GALNTL6: variants seen among roughly 807,000 people sequenced by gnomAD.
GALNTL6 encodes polypeptide N-acetylgalactosaminyltransferase like 6, also known as polypeptide N-acetylgalactosaminyltransferase-like 6.
In GALNTL6, 46 loss-of-function variants were observed where a neutral mutation model predicts 73.7. The ratio of observed to expected loss-of-function variants is 0.62; its 90% confidence interval spans 0.49 to 0.80. GALNTL6 has a LOEUF of 0.80. GALNTL6 is among the 30% of genes least tolerant of loss of function. The pLI is 0.00. For missense variants in GALNTL6, 604 were observed against 755.0 expected (o/e 0.80, Z 2.34); for synonymous variants, 259 against 263.7 (o/e 0.98, Z 0.17).
At chr4:172,736,219 T>A (rs6852353) in intron 5 of GALNTL6, among the ~76,000 whole-genome samples, 146,439 of 152,248 alleles carry the variant, frequency 0.96, 70,685 homozygotes, top group East Asian at 1. Context: ...GCGCTGCAGG[T>A]GACCAGCGTG....
At chr4:171,914,780 TAA>T (rs11447734) in intron 2 of GALNTL6, among the ~76,000 whole-genome samples, 5 of 144,822 alleles carry the variant, frequency 3.5e-5, no homozygotes, top group African/African-American at 1.0e-4. Context: ...GTAAAAATGA[TAA>T]AAAAAAAAAA....
chr4:172,547,338 A>G (rs1735810346), intron 5 of GALNTL6, among the ~76,000 whole-genome samples: 2 of 152,112 alleles, frequency 1.3e-5, no homozygotes, highest in South Asian at 2.1e-4. Context: ...GCTTGAGTCA[A>G]TATAAAGTTG....
chr4:172,015,171 T>C (rs1055655363), intron 2 of GALNTL6, among the ~76,000 whole-genome samples: 2 of 152,112 alleles, frequency 1.3e-5, no homozygotes, highest in African/African-American at 4.8e-5. Context: ...TCCACTATTA[T>C]TGTGGTGCCC....
chr4:172,799,708 G>A (rs1412072902), intron 5 of GALNTL6, among the ~76,000 whole-genome samples: 1 of 152,116 alleles, frequency 6.6e-6, no homozygotes, highest in South Asian at 2.1e-4. Flanking sequence ...TAGTATAGTG[G>A]TTCCTCAAAA....
intron 5 of GALNTL6, among the ~76,000 whole-genome samples, chr4:172,727,247 A>T (rs569903183): frequency 2.6e-5 from 4 of 152,232 alleles, no homozygotes; most frequent in Non-Finnish European, 5.9e-5. Flanking sequence ...CGCTGTAGTC[A>T]TCCAGAAGTC....
chr4:172,587,229 A>G (rs575017567), intron 5 of GALNTL6, among the ~76,000 whole-genome samples: 6 of 152,352 alleles, frequency 3.9e-5, no homozygotes, highest in African/African-American at 1.4e-4. Context: ...CCTTGTGCTG[A>G]TATGTACAGA....
intron 2 of GALNTL6, among the ~76,000 whole-genome samples, chr4:172,134,094 G>C (rs1273862303): frequency 6.6e-6 from 1 of 152,006 alleles, no homozygotes; most frequent in Non-Finnish European, 1.5e-5. Flanking sequence ...GATTAAGATA[G>C]TAACAGTGGC....
At chr4:172,429,656 T>C (rs78196502) in intron 5 of GALNTL6, among the ~76,000 whole-genome samples, 2,923 of 152,258 alleles carry the variant, frequency 0.019, 91 homozygotes, top group African/African-American at 0.066. Flanking sequence ...TCAGGTATAC[T>C]TGACACAGAA....
chr4:172,409,482 G>A (rs949714554), intron 5 of GALNTL6, among the ~76,000 whole-genome samples: 1 of 151,978 alleles, frequency 6.6e-6, no homozygotes, highest in South Asian at 2.1e-4. Flanking sequence ...ACTGCTTTGT[G>A]TAGTATTGCC....
intron 2 of GALNTL6, among the ~76,000 whole-genome samples, chr4:171,839,636 G>C (rs1735189978): frequency 6.7e-6 from 1 of 150,316 alleles, no homozygotes; most frequent in African/African-American, 2.5e-5. Context: ...CAGATTGCTA[G>C]ACACAGAAGG....
At chr4:172,474,222 C>T (rs1365395769) in intron 5 of GALNTL6, among the ~76,000 whole-genome samples, 1 of 152,148 alleles carries the variant, frequency 6.6e-6, no homozygotes, top group Non-Finnish European at 1.5e-5. Context: ...CAACTCCACT[C>T]AGACCTCACC....
intron 2 of GALNTL6, among the ~76,000 whole-genome samples, chr4:172,036,777 C>G (rs561673618): frequency 6.6e-6 from 1 of 152,184 alleles, no homozygotes; most frequent in South Asian, 2.1e-4. Context: ...CGTTTCTACC[C>G]TAGGGTTGTT....
At chr4:172,727,100 A>G (rs1735861738) in intron 5 of GALNTL6, among the ~76,000 whole-genome samples, 2 of 152,370 alleles carry the variant, frequency 1.3e-5, no homozygotes, top group South Asian at 4.1e-4. Context: ...TTTCTACCTT[A>G]ATATTAAAGT....
chr4:172,429,680 C>G (rs1019008329), intron 5 of GALNTL6, among the ~76,000 whole-genome samples: 1 of 152,004 alleles, frequency 6.6e-6, no homozygotes, highest in African/African-American at 2.4e-5. Flanking sequence ...CATAATGTAA[C>G]CTATGCTAAG....
At chr4:172,285,690 A>G (rs993457419) in intron 3 of GALNTL6, among the ~76,000 whole-genome samples, 4 of 152,096 alleles carry the variant, frequency 2.6e-5, no homozygotes, top group Non-Finnish European at 5.9e-5. Context: ...CGCAGTTTCT[A>G]CACCTTTGCC....
intron 4 of GALNTL6, among the ~76,000 whole-genome samples, chr4:172,334,510 T>A (rs1360497136): frequency 6.6e-6 from 1 of 152,180 alleles, no homozygotes; most frequent in Non-Finnish European, 1.5e-5. Context: ...CTATTGTAAA[T>A]AGGATTGCCT....
intron 2 of GALNTL6, among the ~76,000 whole-genome samples, chr4:171,836,589 T>G (rs907807750): frequency 6.6e-6 from 1 of 152,112 alleles, no homozygotes; most frequent in Non-Finnish European, 1.5e-5. Context: ...ATCGTAAATA[T>G]GATATGATTG....
intron 5 of GALNTL6, among the ~76,000 whole-genome samples, chr4:172,712,600 C>T (rs2111329472): frequency 6.6e-6 from 1 of 152,238 alleles, no homozygotes. Context: ...CACCATCCTT[C>T]CTTCATTAGA....
At chr4:172,390,143 CAA>C (rs1379421930) in intron 5 of GALNTL6, among the ~76,000 whole-genome samples, 4 of 151,792 alleles carry the variant, frequency 2.6e-5, no homozygotes, top group African/African-American at 9.7e-5. Flanking sequence ...TTTTTTAACC[CAA>C]AGAAAATAAC....
Sources: gnomAD v4.1 joint callset for allele counts (sites outside exome capture counted in the v4.1 genomes callset) on GRCh38, gnomAD v4.1.1 for gene constraint, MANE v1.5 for transcripts, NCBI Gene and HGNC (gene_info 2026-07-23, HGNC 2026-07-21) for gene names.